The following UBA6 variants were observed in gnomAD, a reference collection of about 807,000 sequenced individuals.
UBA6 encodes the protein ubiquitin-like modifier-activating enzyme 6.
Under a neutral mutation model 148.3 loss-of-function variants are expected in UBA6, and 87 were observed. The observed-to-expected ratio is 0.59, with a 90% CI of 0.49 to 0.70. UBA6 has a LOEUF of 0.70. Among genes scored for constraint, UBA6 ranks in the 30% least tolerant of loss-of-function variants. The probability of loss-of-function intolerance (pLI) is 0.00; values close to 1 mark genes in which losing one functional copy is unlikely to be tolerated. For missense variants in UBA6, 1,186 were observed against 1,241.2 expected (o/e 0.96, Z 0.67); for synonymous variants, 376 against 401.0 (o/e 0.94, Z 0.75).
At chr4:67,665,369 G>A in intron 9 of UBA6, 77 bp from the exon 10 acceptor site, 2 of 791,070 alleles carry the variant, frequency 2.5e-6, no homozygotes, top group South Asian at 1.9e-5. Flanking sequence ...GTCATAAGAG[G>A]TTAATTATCC....
At chr4:67,664,978 G>C (rs1380473866) in intron 10 of UBA6, among the ~76,000 whole-genome samples, 1 of 151,978 alleles carries the variant, frequency 6.6e-6, no homozygotes, top group Admixed American at 6.6e-5. Flanking sequence ...GGCTATAAAA[G>C]ATGTGTAAGT....
intron 28 of UBA6, 23 bp from the exon 29 acceptor site, chr4:67,625,210 C>A: frequency 2.6e-6 from 4 of 1,555,452 alleles, no homozygotes; most frequent in Non-Finnish European, 3.5e-6. Context: ...ACCAGATAAA[C>A]AAAGTTCCAC....
In UBA6 at chr4:67,622,903, G is replaced by C. The variant is rs1302375013; in HGVS notation, c.2951C>G (p.Thr984Arg). 2 of 1,611,834 alleles carry C rather than the reference G, an allele frequency of 1.2e-6. No individual in the cohort carries two copies. The highest frequency in any genetic ancestry group is 1.7e-6 in the Non-Finnish European group (2 of 1,179,172). Residue 984 changes from threonine to arginine, a missense_variant, in exon 32 of 33, where the codon ACA (threonine) becomes AGA (arginine). Physicochemically the swap from Thr to Arg is moderately conservative, Grantham distance 71. Coordinates refer to ENST00000322244, the MANE Select transcript of UBA6 (RefSeq NM_018227.6). ...AVKEKYGIEP[T>R]MVVQGVKMLY... Reference sequence around the variant, plus strand: ...CATTTTGACTCCCTGTACCACCATTGTTGGCTCAATTCCATACTTCTCCTA... The same window carrying C: ...CATTTTGACTCCCTGTACCACCATTCTTGGCTCAATTCCATACTTCTCCTA...
intron 13 of UBA6, 135 bp from the exon 14 acceptor site, chr4:67,649,346 A>G: frequency 1.2e-6 from 1 of 836,278 alleles, no homozygotes; most frequent in Non-Finnish European, 1.8e-6. Flanking sequence ...ATATCTCTAA[A>G]AATGTCCCAA....
chr4:67,701,109 G>T lies in UBA6; in HGVS notation c.11C>A (p.Ser4Tyr), dbSNP rs756082302. Residue 4 changes from serine (S) to tyrosine (Y), a missense_variant, in exon 1 of 33, where the codon TCC (serine) becomes TAC (tyrosine). By Grantham distance (144) the Ser-to-Tyr change is moderately radical. Transcript: ENST00000322244. MEG[S>Y]EPVAAHQGEE... ...CCCCTGATGGGCGGCCACAGGCTCG[G>T]ATCCTTCCATTGCCGCCTGAGACAC... 3 of 1,613,136 alleles carry T rather than the reference G, an allele frequency of 1.9e-6. No homozygotes were observed. The highest frequency in any genetic ancestry group is 2.2e-5 in the East Asian group (1 of 44,858).
At chr4:67,687,895 T>C (rs1730609338) in intron 2 of UBA6, among the ~76,000 whole-genome samples, 1 of 152,056 alleles carries the variant, frequency 6.6e-6, no homozygotes, top group African/African-American at 2.4e-5. Context: ...CCCCTGAATT[T>C]AACAGTTAAA....
At position 67,695,275 on chromosome 4, in the gene UBA6, A is replaced by G. The variant is rs115539519; in HGVS notation, c.134+1370T>C. Among the ~76,000 whole-genome samples the G allele has an allele frequency of 2.3e-3, 358 of 152,352 alleles. 2 individuals carry two copies. Among genetic ancestry groups the G allele is most frequent in the African/African-American group, 7.9e-3 (330 of 41,578 alleles). ...CCTTTTTGCTTATTATCTTCAAGCCACACTGACCTGCTTGCTGTTTTGCAA... is the reference window on the plus strand; with the variant it reads ...CCTTTTTGCTTATTATCTTCAAGCCGCACTGACCTGCTTGCTGTTTTGCAA... On this transcript the variant is annotated intron_variant, in intron 2 of 32. Transcript: ENST00000322244.
At chr4:67,666,328 C>G (rs1729994998) in intron 9 of UBA6, among the ~76,000 whole-genome samples, 1 of 151,164 alleles carries the variant, frequency 6.6e-6, no homozygotes, top group Non-Finnish European at 1.5e-5. Flanking sequence ...AGTAAGCCCC[C>G]CCTTTACTTA....
Position 67,701,148 on chromosome 4 carries a change from T to G in UBA6, c.-29A>C. ...CGCCTGAGACACCGCCGCCGGCTACTGGAAGGTAGGAAGGGGCGGGACCGT... is the reference window on the plus strand; with the variant it reads ...CGCCTGAGACACCGCCGCCGGCTACGGGAAGGTAGGAAGGGGCGGGACCGT... On this transcript the variant is annotated 5_prime_UTR_variant, in exon 1 of 33. Transcript: ENST00000322244. 2 of 1,602,414 alleles carry G rather than the reference T, an allele frequency of 1.2e-6. No homozygotes were observed. The highest frequency in any genetic ancestry group is 8.5e-7 in the Non-Finnish European group (1 of 1,176,020).
intron 25 of UBA6, among the ~76,000 whole-genome samples, chr4:67,630,881 A>G (rs1728981863): frequency 2.0e-5 from 3 of 152,214 alleles, no homozygotes; most frequent in African/African-American, 7.2e-5. Flanking sequence ...TTTGGTCTTA[A>G]TGAGTATATA....
At position 67,662,182 on chromosome 4, in the gene UBA6, T is replaced by C. The variant is rs368773754; in HGVS notation, c.1104+7A>G. Reference sequence around the variant, plus strand: ...ATATTCGGACAGCCATAAATTTCAATAGTCACCTTCTCTTCCAAGGTTTCA... The same window carrying C: ...ATATTCGGACAGCCATAAATTTCAACAGTCACCTTCTCTTCCAAGGTTTCA... On this transcript the variant is annotated splice_region_variant and intron_variant, in intron 13 of 32. Transcript: ENST00000322244. The C allele has an allele frequency of 4.2e-5, 67 of 1,612,938 alleles. No homozygotes were observed. The highest frequency in any genetic ancestry group is 1.3e-4 in the African/African-American group (10 of 74,898).
chr4:67,664,598 A>G (rs1460058849), intron 10 of UBA6, among the ~76,000 whole-genome samples: 1 of 152,166 alleles, frequency 6.6e-6, no homozygotes, highest in African/African-American at 2.4e-5. Context: ...CAAGGATTTT[A>G]GTAGCACAAG....
chr4:67,639,419 A>G (rs1186188020), intron 18 of UBA6, among the ~76,000 whole-genome samples: 1 of 152,190 alleles, frequency 6.6e-6, no homozygotes, highest in Non-Finnish European at 1.5e-5. Context: ...TAAAAATCCA[A>G]TTACAATTTT....
chr4:67,681,275 T>C (rs895505926), intron 4 of UBA6, among the ~76,000 whole-genome samples: 1 of 152,186 alleles, frequency 6.6e-6, no homozygotes, highest in African/African-American at 2.4e-5. Context: ...TATAATACAA[T>C]GTCTGAAATT....
At chr4:67,637,328 C>T (rs1242671357) in intron 19 of UBA6, among the ~76,000 whole-genome samples, 1 of 150,176 alleles carries the variant, frequency 6.7e-6, no homozygotes, top group African/African-American at 2.4e-5. Context: ...GGGCCAGCCC[C>T]CACCTGGCCA....
intron 3 of UBA6, among the ~76,000 whole-genome samples, 196 bp from the exon 4 acceptor site, chr4:67,681,787 C>T (rs1177756308): frequency 2.0e-5 from 3 of 151,962 alleles, no homozygotes; most frequent in Non-Finnish European, 4.4e-5. Flanking sequence ...ATCACAACAC[C>T]CAGAGATAAT....
At chr4:67,627,727 A>G (rs1391068875) in intron 27 of UBA6, among the ~76,000 whole-genome samples, 1 of 151,708 alleles carries the variant, frequency 6.6e-6, no homozygotes, top group Non-Finnish European at 1.5e-5. Flanking sequence ...ACGCAGAACG[A>G]AAGACTGCAC....
intron 8 of UBA6, among the ~76,000 whole-genome samples, chr4:67,670,116 G>A (rs944924328): frequency 6.6e-6 from 1 of 152,004 alleles, no homozygotes; most frequent in Non-Finnish European, 1.5e-5. Context: ...TTAATTTTTT[G>A]TATTTTTGGT....
intron 2 of UBA6, among the ~76,000 whole-genome samples, chr4:67,694,885 C>T (rs771847722): frequency 6.6e-6 from 1 of 152,148 alleles, no homozygotes; most frequent in Non-Finnish European, 1.5e-5. Flanking sequence ...CAATAAGACA[C>T]GCATACCAAG....
Sources: allele counts gnomAD v4.1 joint callset (sites outside exome capture counted in the v4.1 genomes callset), GRCh38; gene constraint gnomAD v4.1.1; transcripts MANE v1.5; gene names NCBI Gene and HGNC (gene_info 2026-07-23, HGNC 2026-07-21).